Variants in ABCC5 observed in about 807,000 individuals in gnomAD.
ABCC5 encodes ATP binding cassette subfamily C member 5.
ABCC5 carries 61 observed loss-of-function variants against 160.9 expected under a neutral mutation model. The observed-to-expected ratio is 0.38, with a 90% CI of 0.31 to 0.47. ABCC5 has a LOEUF of 0.47. Among genes scored for constraint, ABCC5 ranks in the 20% least tolerant of loss-of-function variants. ABCC5 has a pLI of 0.99. For synonymous variants in ABCC5, 666 were observed against 700.6 expected (o/e 0.95, Z 0.78); for missense variants, 1,308 against 1,813.3 (o/e 0.72, Z 5.06).
rs939336 is a variant in ABCC5, at chr3:183,967,746, A to G, written c.1782T>C (p.Cys594=). 920,588 of 1,611,950 alleles carry G rather than the reference A, an allele frequency of 0.57. 267,442 individuals are homozygous for G. Among genetic ancestry groups the G allele is most frequent in the East Asian group, 0.86 (38,753 of 44,850 alleles). ...EIQEGKLVGI[C]GSVGSGKTSL... is the part of the protein sequence containing the mutation. ...AGGTTTTTCCACTTCCCACACTGCC[A>G]CAGATTCCAACCAGTTTACCCTGGA... is the stretch of plus-strand genomic sequence containing the variant. Residue 594 remains cysteine (C), a synonymous_variant, in exon 12 of 30, where the codon TGT becomes TGC. Transcript: ENST00000334444.
chr3:184,008,862 A>T (rs181564169), intron 2 of ABCC5, among the ~76,000 whole-genome samples: 1 of 150,524 alleles, frequency 6.6e-6, no homozygotes, highest in African/African-American at 2.4e-5. Flanking sequence ...TTCTTTCTTT[A>T]TTTTTTTTTG....
In ABCC5 at chr3:183,951,021, A is replaced by G. The variant is rs987047791; in HGVS notation, c.2944+420T>C. Among the ~76,000 whole-genome samples, 2 of 152,204 alleles carry G rather than the reference A, an allele frequency of 1.3e-5. No individual in the cohort carries two copies. Among genetic ancestry groups the G allele is most frequent in the African/African-American group, 4.8e-5 (2 of 41,452 alleles). On this transcript the variant is annotated intron_variant, in intron 20 of 29. Transcript: ENST00000334444. This position sits in a 1 kb window ranked among gnomAD's most constrained non-coding sequence, Gnocchi z 4.7. Reference sequence around the variant, plus strand: ...CTGCGGGGATTAAGGTAACATGCATAAAACACTGAGCATGCTGCTTGCTAC... The same window carrying G: ...CTGCGGGGATTAAGGTAACATGCATGAAACACTGAGCATGCTGCTTGCTAC...
At chr3:183,938,354 G>A (rs1297664355) in intron 25 of ABCC5, among the ~76,000 whole-genome samples, 1 of 151,790 alleles carries the variant, frequency 6.6e-6, no homozygotes, top group Non-Finnish European at 1.5e-5. Context: ...GCTGGAGTGC[G>A]GTGGTGCGAT....
intron 11 of ABCC5, among the ~76,000 whole-genome samples, chr3:183,969,556 G>A (rs1717543697): frequency 6.6e-6 from 1 of 152,150 alleles, no homozygotes; most frequent in South Asian, 2.1e-4. Flanking sequence ...GCCAGGCACA[G>A]TGGCACGTGC....
intron 2 of ABCC5, among the ~76,000 whole-genome samples, chr3:183,993,344 C>T (rs1250516206): frequency 1.3e-5 from 2 of 151,828 alleles, no homozygotes; most frequent in Admixed American, 6.6e-5. Flanking sequence ...ATTAGCAGGG[C>T]GTGGTGGCAC....
At chr3:183,966,820 T>C (rs1560016143) in intron 12 of ABCC5, among the ~76,000 whole-genome samples, 1 of 152,162 alleles carries the variant, frequency 6.6e-6, no homozygotes, top group African/African-American at 2.4e-5. Flanking sequence ...CTGTGACAGC[T>C]GATGCCAAAC....
At chr3:183,984,973 A>G in intron 5 of ABCC5, 1 of 1,235,462 alleles carries the variant, frequency 8.1e-7, no homozygotes. Flanking sequence ...ACTGGGTAAT[A>G]GCATCAGCGC....
chr3:184,014,394 T>C lies in ABCC5; in HGVS notation c.-2A>G. ...TTTTCCTATGTCGATATCCTTCATC[T>C]TCTCTGAGTGGAGGTTCCAGGGCTC... On this transcript the variant is annotated 5_prime_UTR_variant, in exon 2 of 30. Coordinates refer to ENST00000334444, the MANE Select transcript of ABCC5 (RefSeq NM_005688.4). The C allele has an allele frequency of 6.2e-7, 1 of 1,610,002 alleles. No individual in the cohort carries two copies. Among genetic ancestry groups the C allele is most frequent in the Non-Finnish European group, 8.5e-7 (1 of 1,178,406 alleles).
chr3:183,990,139 C>T (rs549655741), intron 2 of ABCC5, among the ~76,000 whole-genome samples: 9 of 151,798 alleles, frequency 5.9e-5, no homozygotes, highest in African/African-American at 7.3e-5. Flanking sequence ...GATGGAGTCT[C>T]GCTCTGTTGC....
rs1443351200 is a variant in ABCC5 at position 183,987,995 on chromosome 3, T to C, written c.444-78A>G. 5 of 1,542,220 alleles carry C rather than the reference T, an allele frequency of 3.2e-6. No homozygotes were observed. In the East Asian group the frequency reaches 6.8e-5, roughly 21 times the overall value. ...CTAGCTCCCCGCCTGCCACCACTTT[T>C]TGTCTCCAGGTTTTGCCACCACTCA... On this transcript the variant is annotated intron_variant, in intron 4 of 29. Coordinates refer to ENST00000334444, the MANE Select transcript of ABCC5 (RefSeq NM_005688.4). This position sits in a 1 kb window ranked among gnomAD's most constrained non-coding sequence, Gnocchi z 4.2.
In ABCC5 at chr3:183,921,332, C is replaced by T. The variant is rs1453335780; in HGVS notation, c.4282G>A (p.Ala1428Thr). 1 of 1,608,632 alleles carries T rather than the reference C, an allele frequency of 6.2e-7. No individual in the cohort carries two copies. Among genetic ancestry groups the T allele is most frequent in the East Asian group, 2.2e-5 (1 of 44,766 alleles). Residue 1428 changes from alanine to threonine, a missense_variant, in exon 30 of 30, where the codon GCT becomes ACT. Physicochemically the swap from Ala to Thr is moderately conservative, Grantham distance 58. Transcript: ENST00000334444. The surrounding 1 kb of genome is among the most constrained non-coding windows in gnomAD (Gnocchi z 4.1). Reference protein sequence around the residue: ...DSSRFYAMFAAAENKVAVKG With the variant: ...DSSRFYAMFATAENKVAVKG ...TTGACAGCGACCTTGTTCTCTGCAG[C>T]AGCAAACATGGCATAGAATCGGGAA...
chr3:183,928,637 G>T, intron 27 of ABCC5, 110 bp downstream of exon 27: 1 of 959,914 alleles, frequency 1.0e-6, no homozygotes, highest in Non-Finnish European at 1.6e-6. Context: ...CGAAGCCTTT[G>T]TCCACAGGCA....
chr3:183,950,144 G>C lies in ABCC5; in HGVS notation c.2945-19C>G. 6 of 1,598,590 alleles carry C rather than the reference G, an allele frequency of 3.8e-6. No homozygotes were observed. Among genetic ancestry groups the C allele is most frequent in the Non-Finnish European group, 4.3e-6 (5 of 1,174,534 alleles). On this transcript the variant is annotated intron_variant, in intron 20 of 29. Coordinates refer to ENST00000334444, the MANE Select transcript of ABCC5 (RefSeq NM_005688.4). ...ACGTCAACTGTGGAAACAAATAAAGGAGCAAGTGTCAGATGGTTTGGAAAA... is the reference window on the plus strand; with the variant it reads ...ACGTCAACTGTGGAAACAAATAAAGCAGCAAGTGTCAGATGGTTTGGAAAA...
At position 183,922,073 on chromosome 3, in the gene ABCC5, AT is replaced by A. The variant is rs1352007789; in HGVS notation, c.4213-673del. ...AATAAATAAATAAATAAATAAATAAATAAATAAAAAACAACAGGCTGGGTGC... is the reference window on the plus strand; with the variant it reads ...AATAAATAAATAAATAAATAAATAAAAAATAAAAAACAACAGGCTGGGTGC... On this transcript the variant is annotated intron_variant, in intron 29 of 29. Coordinates refer to ENST00000334444, the MANE Select transcript of ABCC5 (RefSeq NM_005688.4). 2.6e-3 allele frequency among the ~76,000 whole-genome samples: 317 copies of A among 122,410 alleles called. 1 individual carries two copies. Among genetic ancestry groups the A allele is most frequent in the African/African-American group, 7.8e-3 (287 of 36,632 alleles). 80.3% of individuals were successfully genotyped at this position (122,410 alleles called of 152,430 possible).
chr3:183,950,519 T>G (rs894459305), intron 20 of ABCC5, among the ~76,000 whole-genome samples: 1 of 152,240 alleles, frequency 6.6e-6, no homozygotes, highest in Non-Finnish European at 1.5e-5. Flanking sequence ...TAAACATACA[T>G]AAAAATTAAA....
At chr3:183,984,950 G>C (rs1275095086) in intron 5 of ABCC5, 1 of 1,470,872 alleles carries the variant, frequency 6.8e-7, no homozygotes, top group African/African-American at 1.4e-5. Context: ...CCTTTAGAGT[G>C]CCATTTTTCA....
At chr3:183,981,697 C>A (rs772077526) in intron 8 of ABCC5, 30 bp downstream of exon 8, 1 of 1,605,900 alleles carries the variant, frequency 6.2e-7, no homozygotes, top group Non-Finnish European at 8.5e-7. Flanking sequence ...GTCCTTCTAC[C>A]ACATGCACAT....
rs550653681 is a variant in ABCC5 at position 183,937,438 on chromosome 3, T to TG, written c.3854+462dup. 2.6e-3 allele frequency among the ~76,000 whole-genome samples: 396 copies of TG among 151,020 alleles called. 2 individuals are homozygous for TG. The highest frequency in any genetic ancestry group is 3.6e-3 in the Non-Finnish European group (243 of 67,690). Reference sequence around the variant, plus strand: ...ACCTAGGAGAGATGACAGAATGGAGTGGGGGGCAGATGAGGATGATGTCAA... The same window carrying TG: ...ACCTAGGAGAGATGACAGAATGGAGTGGGGGGGCAGATGAGGATGATGTCAA... On this transcript the variant is annotated intron_variant, in intron 26 of 29. Transcript: ENST00000334444.
chr3:183,988,168 A>G lies in ABCC5; in HGVS notation c.444-251T>C, dbSNP rs772871186. ...CAAAAGCCTTTCTTTCCACCCAGGA[A>G]AATGATCCCTGAATGCAATTTGTGA... On this transcript the variant is annotated intron_variant, in intron 4 of 29. Coordinates refer to ENST00000334444, the MANE Select transcript of ABCC5 (RefSeq NM_005688.4). The surrounding 1 kb of genome is among the most constrained non-coding windows in gnomAD (Gnocchi z 4.4). Among the ~76,000 whole-genome samples, 1 of 152,234 alleles carries G rather than the reference A, an allele frequency of 6.6e-6. No individual in the cohort carries two copies. Among genetic ancestry groups the G allele is most frequent in the Non-Finnish European group, 1.5e-5 (1 of 68,032 alleles).
Sources: gnomAD v4.1 joint callset for allele counts (sites outside exome capture counted in the v4.1 genomes callset) on GRCh38, gnomAD v4.1.1 for gene constraint, Gnocchi (gnomAD v3.1) non-coding constraint, MANE v1.5 for transcripts, NCBI Gene and HGNC (gene_info 2026-07-23, HGNC 2026-07-21) for gene names.